Variants in IL1RAPL1 observed in about 807,000 individuals in gnomAD.
IL1RAPL1 encodes interleukin-1 receptor accessory protein-like 1.
Under a neutral mutation model 48.4 loss-of-function variants are expected in IL1RAPL1, and 3 were observed. The observed-to-expected ratio is 0.06, with a 90% CI of 0.03 to 0.16. IL1RAPL1 has a LOEUF of 0.16. IL1RAPL1 is among the 10% of genes least tolerant of loss of function. The probability of loss-of-function intolerance (pLI) is 1.00; values close to 1 mark genes in which losing one functional copy is unlikely to be tolerated. For synonymous variants in IL1RAPL1, 185 were observed against 187.7 expected (o/e 0.99, Z 0.12); for missense variants, 349 against 530.6 (o/e 0.66, Z 3.36).
At chrX:29,467,314 G>C (rs898916574) in intron 5 of IL1RAPL1, among the ~76,000 whole-genome samples, 3 of 112,598 alleles carry the variant, frequency 2.7e-5, no homozygotes, top group African/African-American at 9.7e-5. Flanking sequence ...CTTAAAAGAA[G>C]TGTCCTGTGC....
At chrX:29,153,309 G>A (rs760473387) in intron 2 of IL1RAPL1, among the ~76,000 whole-genome samples, 7 of 111,492 alleles carry the variant, frequency 6.3e-5, no homozygotes, top group African/African-American at 1.6e-4. Context: ...TATCTGCTAC[G>A]TTAACTCCCC....
rs71811113 is a variant in IL1RAPL1 at position 29,688,728 on chromosome X, T to TTC, written c.778+20250_778+20251dup. Among the ~76,000 whole-genome samples, 355 of 74,776 alleles carry TTC rather than the reference T, an allele frequency of 4.7e-3. 3 individuals carry two copies. Among genetic ancestry groups the TTC allele is most frequent in the Middle Eastern group, 0.015 (2 of 130 alleles). The allele number at this position is 74,776 out of a possible 115,157, so 64.9% of individuals were successfully genotyped here. A position where few individuals can be genotyped will look rare whatever the true frequency, so the allele number is the denominator to read the frequency against. ...CTCATTCAATAATTATCAGGGTTGC[T>TTC]TCTCTCTCTCTCTCTCTCTCTCTCT... On this transcript the variant is annotated intron_variant, in intron 6 of 10. Coordinates refer to ENST00000378993, the MANE Select transcript of IL1RAPL1 (RefSeq NM_014271.4).
At chrX:28,779,566 A>G (rs1936394682) in intron 1 of IL1RAPL1, among the ~76,000 whole-genome samples, 1 of 98,895 alleles carries the variant, frequency 1.0e-5, no homozygotes, top group Admixed American at 1.1e-4. Context: ...CATTTTATTG[A>G]ACATTGACAA....
intron 2 of IL1RAPL1, among the ~76,000 whole-genome samples, chrX:28,857,943 A>G (rs1921844861): frequency 8.9e-6 from 1 of 112,281 alleles, no homozygotes; most frequent in African/African-American, 3.2e-5. Context: ...TTACCATTCT[A>G]GATGCCATTA....
At chrX:28,860,861 C>T (rs1217111586) in intron 2 of IL1RAPL1, among the ~76,000 whole-genome samples, 1 of 110,911 alleles carries the variant, frequency 9.0e-6, no homozygotes. Context: ...ATTTTTTTTT[C>T]TGAGAAAGGC....
chrX:29,032,115 C>T (rs1034808489), intron 2 of IL1RAPL1, among the ~76,000 whole-genome samples: 2 of 111,579 alleles, frequency 1.8e-5, no homozygotes, highest in South Asian at 3.7e-4. Context: ...CTCATCATAT[C>T]ATGTACTTTT....
intron 6 of IL1RAPL1, among the ~76,000 whole-genome samples, chrX:29,802,765 A>G (rs868631536): frequency 3.4e-4 from 9 of 26,706 alleles, no homozygotes; most frequent in Admixed American, 7.6e-4. Flanking sequence ...ATATATATAT[A>G]TATATATATA....
chrX:28,629,802 T>A (rs762226119), intron 1 of IL1RAPL1, among the ~76,000 whole-genome samples: 2 of 111,646 alleles, frequency 1.8e-5, no homozygotes, highest in Non-Finnish European at 3.8e-5. Context: ...GGGCCTCGAG[T>A]GAGCAAATGC....
chrX:29,940,619 A>G (rs1258926742), intron 8 of IL1RAPL1, among the ~76,000 whole-genome samples: 3 of 112,111 alleles, frequency 2.7e-5, no homozygotes, highest in Non-Finnish European at 3.8e-5. Flanking sequence ...GCTTAAAGTG[A>G]GTTTCAAAAA....
At chrX:28,699,930 C>G (rs992624333) in intron 1 of IL1RAPL1, among the ~76,000 whole-genome samples, 1 of 111,265 alleles carries the variant, frequency 9.0e-6, no homozygotes, top group African/African-American at 3.3e-5. Flanking sequence ...TGCACACACC[C>G]TCTGTCACTC....
At chrX:29,133,511 C>A (rs1010892143) in intron 2 of IL1RAPL1, among the ~76,000 whole-genome samples, 1 of 110,974 alleles carries the variant, frequency 9.0e-6, no homozygotes, top group African/African-American at 3.3e-5. Context: ...TGGATTAATG[C>A]AGTTTATTTT....
intron 5 of IL1RAPL1, among the ~76,000 whole-genome samples, chrX:29,639,865 A>G (rs1925111803): frequency 8.9e-6 from 1 of 111,758 alleles, no homozygotes; most frequent in Non-Finnish European, 1.9e-5. Flanking sequence ...CAGGGTCTTA[A>G]GGCAGGAAGT....
intron 1 of IL1RAPL1, among the ~76,000 whole-genome samples, chrX:28,664,930 A>G (rs188683308): frequency 1.0e-3 from 86 of 84,704 alleles, no homozygotes; most frequent in Admixed American, 7.5e-3. Flanking sequence ...CTGGTCTCCA[A>G]TTGTTTTTGT....
intron 2 of IL1RAPL1, among the ~76,000 whole-genome samples, chrX:28,949,741 T>G (rs1369960129): frequency 9.1e-6 from 1 of 109,630 alleles, no homozygotes; most frequent in Non-Finnish European, 1.9e-5. Flanking sequence ...TGTCTTCTTT[T>G]GAGAAGTGTC....
intron 1 of IL1RAPL1, among the ~76,000 whole-genome samples, chrX:28,588,259 CGT>C (rs1321408331): frequency 3.1e-5 from 3 of 97,457 alleles, no homozygotes; most frequent in African/African-American, 1.1e-4. Flanking sequence ...TGTGTGTGTG[CGT>C]GTGTGTGTAT....
intron 5 of IL1RAPL1, among the ~76,000 whole-genome samples, chrX:29,593,971 C>T (rs1005824316): frequency 2.7e-5 from 3 of 112,159 alleles, no homozygotes; most frequent in Non-Finnish European, 3.8e-5. Context: ...TAATTTCCCT[C>T]TCTACTAATT....
At chrX:29,628,003 T>C in intron 5 of IL1RAPL1, among the ~76,000 whole-genome samples, 1 of 112,376 alleles carries the variant, frequency 8.9e-6, no homozygotes, top group African/African-American at 3.2e-5. Context: ...CAAACAGCTG[T>C]ACATTTAGTT....
chrX:28,836,473 G>C (rs1292879044), intron 2 of IL1RAPL1, among the ~76,000 whole-genome samples: 1 of 106,336 alleles, frequency 9.4e-6, no homozygotes, highest in Non-Finnish European at 1.9e-5. Flanking sequence ...TGAATTACAG[G>C]GTGTTAACTC....
At chrX:28,723,484 TTTC>T (rs1445318505) in intron 1 of IL1RAPL1, among the ~76,000 whole-genome samples, 1 of 111,674 alleles carries the variant, frequency 9.0e-6, no homozygotes, top group Non-Finnish European at 1.9e-5. Context: ...TCTTCTCTCT[TTTC>T]TTCTTTGTTA....
Sources: allele counts gnomAD v4.1 joint callset (sites outside exome capture counted in the v4.1 genomes callset), GRCh38; gene constraint gnomAD v4.1.1; transcripts MANE v1.5; gene names NCBI Gene and HGNC (gene_info 2026-07-23, HGNC 2026-07-21).